The following FHOD3 variants were observed in gnomAD, a reference collection of about 807,000 sequenced individuals.
FHOD3 encodes the protein FH1/FH2 domain-containing protein 3.
FHOD3 carries 90 observed loss-of-function variants against 173.0 expected under a neutral mutation model. The observed-to-expected ratio is 0.52, with a 90% CI of 0.44 to 0.62. The LOEUF (loss-of-function observed/expected upper bound fraction) is 0.62, where lower values mean the gene tolerates loss of function less well. Among genes scored for constraint, FHOD3 ranks in the 20% least tolerant of loss-of-function variants. The pLI is 0.00. For missense variants in FHOD3, 1,945 were observed against 2,034.7 expected (o/e 0.96, Z 0.85); for synonymous variants, 828 against 823.0 (o/e 1.01, Z -0.10).
chr18:36,407,960 G>T (rs2049150928), intron 3 of FHOD3, among the ~76,000 whole-genome samples: 1 of 152,188 alleles, frequency 6.6e-6, no homozygotes, highest in Non-Finnish European at 1.5e-5. Flanking sequence ...TATGATATAG[G>T]GAGTACAGAT....
chr18:36,585,521 A>C (rs2058997428), intron 6 of FHOD3, among the ~76,000 whole-genome samples: 1 of 151,970 alleles, frequency 6.6e-6, no homozygotes, highest in African/African-American at 2.4e-5. Context: ...GAAGTGATTC[A>C]GGCCAGGCCT....
chr18:36,601,526 G>A (rs968806675), intron 7 of FHOD3, among the ~76,000 whole-genome samples: 1 of 152,038 alleles, frequency 6.6e-6, no homozygotes, highest in East Asian at 1.9e-4. Flanking sequence ...TATATGCCAG[G>A]CACTGTCCTA....
chr18:36,772,575 G>A (rs963108114), intron 28 of FHOD3, among the ~76,000 whole-genome samples: 8 of 152,342 alleles, frequency 5.3e-5, no homozygotes, highest in Non-Finnish European at 1.0e-4. Flanking sequence ...CAAGCCACTC[G>A]AGGATCAGAG....
intron 5 of FHOD3, among the ~76,000 whole-genome samples, chr18:36,556,369 A>G (rs1231661656): frequency 6.6e-6 from 1 of 152,134 alleles, no homozygotes; most frequent in Non-Finnish European, 1.5e-5. Flanking sequence ...TTTGCTGGAT[A>G]TGAAACCCAC....
intron 15 of FHOD3, among the ~76,000 whole-genome samples, chr18:36,686,300 G>A (rs575516797): frequency 2.0e-5 from 3 of 151,952 alleles, no homozygotes; most frequent in South Asian, 2.1e-4. Context: ...CACATCCTTC[G>A]CAAGGACATG....
intron 5 of FHOD3, among the ~76,000 whole-genome samples, chr18:36,560,818 G>C (rs1000783138): frequency 7.7e-5 from 11 of 143,484 alleles, no homozygotes; most frequent in Non-Finnish European, 1.2e-4. Flanking sequence ...TGTGTGTAAA[G>C]AGCAGCTGTT....
chr18:36,534,741 C>G (rs1306792599), intron 5 of FHOD3, among the ~76,000 whole-genome samples: 1 of 152,192 alleles, frequency 6.6e-6, no homozygotes, highest in African/African-American at 2.4e-5. Context: ...TTCTGCTTAG[C>G]TTGCCTTTCC....
At chr18:36,768,172 C>T (rs2043222243) in intron 27 of FHOD3, among the ~76,000 whole-genome samples, 1 of 152,158 alleles carries the variant, frequency 6.6e-6, no homozygotes, top group Non-Finnish European at 1.5e-5. Flanking sequence ...TAGAAATTAA[C>T]AATTTTGAGC....
chr18:36,566,461 T>G (rs2058268063), intron 5 of FHOD3, among the ~76,000 whole-genome samples: 1 of 152,092 alleles, frequency 6.6e-6, no homozygotes, highest in South Asian at 2.1e-4. Context: ...TAGCAAAAGG[T>G]TCAGAGACAA....
At chr18:36,460,457 G>A (rs373514075) in intron 3 of FHOD3, among the ~76,000 whole-genome samples, 21 of 152,326 alleles carry the variant, frequency 1.4e-4, no homozygotes, top group African/African-American at 4.6e-4. Flanking sequence ...CCATGCAAAC[G>A]TGAGGCACTA....
chr18:36,646,413 C>A lies in FHOD3; in HGVS notation c.1197-2903C>A, dbSNP rs573499708. ...TAAATAAAGGCTATATATATCACAA[C>A]CATAGATTAAAAAACATAGCAAAGA... On this transcript the variant is annotated intron_variant, in intron 10 of 28. Coordinates refer to ENST00000590592, the MANE Select transcript of FHOD3 (RefSeq NM_001281740.3). Among the ~76,000 whole-genome samples the A allele has an allele frequency of 3.9e-5, 6 of 152,160 alleles. No individual in the cohort carries two copies. In the South Asian group the frequency reaches 1.0e-3, roughly 26 times the overall value.
At chr18:36,612,957 G>T (rs1479433965) in intron 9 of FHOD3, among the ~76,000 whole-genome samples, 2 of 152,190 alleles carry the variant, frequency 1.3e-5, no homozygotes, top group African/African-American at 4.8e-5. Flanking sequence ...TCTAGGAGCT[G>T]CCCTATCTTT....
intron 28 of FHOD3, among the ~76,000 whole-genome samples, chr18:36,770,217 C>T (rs1242264897): frequency 6.6e-6 from 1 of 152,210 alleles, no homozygotes; most frequent in Non-Finnish European, 1.5e-5. Flanking sequence ...GCTTTAGTCT[C>T]CACTGGCTTT....
intron 17 of FHOD3, among the ~76,000 whole-genome samples, chr18:36,698,604 G>C (rs1001210217): frequency 6.6e-6 from 1 of 152,134 alleles, no homozygotes; most frequent in African/African-American, 2.4e-5. Context: ...AAAAAGAGAA[G>C]GGGAGGTGGA....
intron 3 of FHOD3, among the ~76,000 whole-genome samples, chr18:36,483,370 G>A (rs982910383): frequency 1.3e-4 from 20 of 152,162 alleles, no homozygotes; most frequent in Admixed American, 1.3e-4. Flanking sequence ...GCTCCACTCA[G>A]CACAGCCAAC....
intron 3 of FHOD3, among the ~76,000 whole-genome samples, chr18:36,399,674 C>T (rs1282972639): frequency 6.6e-6 from 1 of 152,166 alleles, no homozygotes; most frequent in East Asian, 1.9e-4. Flanking sequence ...CCTTCTAGCC[C>T]CCTCCGCTTT....
At chr18:36,617,504 C>T (rs1027366891) in intron 9 of FHOD3, among the ~76,000 whole-genome samples, 1 of 151,920 alleles carries the variant, frequency 6.6e-6, no homozygotes, top group Admixed American at 6.6e-5. Flanking sequence ...TTTATCTGCT[C>T]TGCTCTGAAC....
rs142186343 is a variant in FHOD3 at position 36,625,609 on chromosome 18, C to T, written c.1056C>T (p.Gly352=). The T allele has an allele frequency of 2.3e-5, 36 of 1,585,450 alleles. No individual in the cohort carries two copies. Among genetic ancestry groups the T allele is most frequent in the Middle Eastern group, 3.4e-4 (2 of 5,968 alleles). The change falls in exon 10 of 29, where the codon GGC becomes GGT. Residue 352 remains glycine, a synonymous_variant. Coordinates refer to ENST00000590592, the MANE Select transcript of FHOD3 (RefSeq NM_001281740.3). ...RRASVCSSGG[G]EHRGLDRRRS... The stretch of plus-strand genomic sequence containing the variant: ...CCAGCGTGTGTTCCAGTGGCGGAGG[C>T]GAGCACCGGGGCCTGGACCGCAGAA...
intron 14 of FHOD3, among the ~76,000 whole-genome samples, chr18:36,660,448 C>T (rs1301815124): frequency 1.3e-5 from 2 of 152,170 alleles, no homozygotes; most frequent in African/African-American, 4.8e-5. Flanking sequence ...GGTGAGGCTG[C>T]AGGAACAAGG....
Sources: gnomAD v4.1 joint callset for allele counts (sites outside exome capture counted in the v4.1 genomes callset) on GRCh38, gnomAD v4.1.1 for gene constraint, MANE v1.5 for transcripts, NCBI Gene and HGNC (gene_info 2026-07-23, HGNC 2026-07-21) for gene names.